TOX: variants seen among roughly 807,000 people sequenced by gnomAD.
TOX encodes the protein thymocyte selection associated high mobility group box.
In TOX, 11 loss-of-function variants were observed where a neutral mutation model predicts 53.7. That is an observed-to-expected ratio of 0.20 (90% CI 0.13 to 0.34). The LOEUF is 0.34. Ranked by LOEUF, TOX falls within the 10% of genes least tolerant of loss-of-function variation. The pLI is 1.00. For synonymous variants in TOX, 225 were observed against 245.3 expected, an observed-to-expected ratio of 0.92 and a Z score of 0.77; for missense variants, 570 against 664.6, an observed-to-expected ratio of 0.86 and a Z score of 1.56.
chr8:59,021,499 T>TATATATATATATATATATATATATACAC lies in TOX; in HGVS notation c.103-61492_103-61491insGTGTATATATATATATATATATATATAT, dbSNP rs1554539851. ...AAAAAAAAATATATATATATATATATGCACATATATACAATGTCAGATATA... is the reference window on the plus strand; with the variant it reads ...AAAAAAAAATATATATATATATATATATATATATATATATATATATATATACACGCACATATATACAATGTCAGATATA... On this transcript the variant is annotated intron_variant, in intron 1 of 8. Transcript: ENST00000361421. Among the ~76,000 whole-genome samples, 327 of 108,840 alleles carry TATATATATATATATATATATATATACAC rather than the reference T, an allele frequency of 3.0e-3. 5 individuals carry two copies. The highest frequency in any genetic ancestry group is 4.7e-3 in the Middle Eastern group (1 of 212). The allele number at this position is 108,840 out of a possible 152,430, so 71.4% of individuals were successfully genotyped here. A position where few individuals can be genotyped will look rare whatever the true frequency, so the allele number is the denominator to read the frequency against.
At chr8:59,042,515 T>C (rs920964479) in intron 1 of TOX, among the ~76,000 whole-genome samples, 2 of 152,356 alleles carry the variant, frequency 1.3e-5, no homozygotes, top group South Asian at 4.1e-4. Context: ...ATTTTTATTA[T>C]TATGCAAAAG....
intron 3 of TOX, among the ~76,000 whole-genome samples, chr8:58,912,267 T>C (rs998986705): frequency 2.0e-5 from 3 of 152,224 alleles, no homozygotes; most frequent in African/African-American, 7.2e-5. Flanking sequence ...AGATAGGATA[T>C]TTTGCCCTCT....
Position 58,851,949 on chromosome 8 carries a change from G to C in TOX, c.412-144C>G. The C allele has an allele frequency of 4.2e-6, 3 of 714,362 alleles. No homozygotes were observed. The highest frequency in any genetic ancestry group is 1.8e-5 in the African/African-American group (1 of 54,142). The allele number at this position is 714,362 out of a possible 1,614,324, so 44.3% of individuals were successfully genotyped here. A position where few individuals can be genotyped will look rare whatever the true frequency, so the allele number is the denominator to read the frequency against. The stretch of plus-strand genomic sequence containing the variant: ...AGTTACATACACATTTATTTTATCT[G>C]GGGTAAAATAATCCTAAAAGTATAT... On this transcript the variant is annotated intron_variant, in intron 3 of 8. Transcript: ENST00000361421. The surrounding 1 kb of genome is among the most constrained non-coding windows in gnomAD (Gnocchi z 4.4).
intron 6 of TOX, among the ~76,000 whole-genome samples, chr8:58,826,167 A>G (rs1810361575): frequency 6.6e-6 from 1 of 152,216 alleles, no homozygotes; most frequent in Non-Finnish European, 1.5e-5. Context: ...CCCAGACCAC[A>G]GTGAACGCAG....
intron 1 of TOX, among the ~76,000 whole-genome samples, chr8:59,072,769 T>G (rs1586002431): frequency 6.6e-6 from 1 of 152,186 alleles, no homozygotes; most frequent in African/African-American, 2.4e-5. Flanking sequence ...TCAACTATCA[T>G]AAGTTTAATA....
In TOX at chr8:58,822,427, T is replaced by C. The variant is rs1810297168; in HGVS notation, c.1005+4395A>G. On this transcript the variant is annotated intron_variant, in intron 6 of 8. Transcript: ENST00000361421. Reference sequence around the variant, plus strand: ...AGGTATTTTGGAGTCTGACCAGCACTGTGTTTGCAGCATCCTATGTCCTAT... The same window carrying C: ...AGGTATTTTGGAGTCTGACCAGCACCGTGTTTGCAGCATCCTATGTCCTAT... 2.0e-5 allele frequency among the ~76,000 whole-genome samples: 3 copies of C among 152,352 alleles called. No individual in the cohort carries two copies. The South Asian group carries it at 6.2e-4, about 32-fold the overall frequency.
At chr8:59,107,661 T>C (rs1185550373) in intron 1 of TOX, among the ~76,000 whole-genome samples, 1 of 152,140 alleles carries the variant, frequency 6.6e-6, no homozygotes, top group African/African-American at 2.4e-5. Context: ...CACTACCAGA[T>C]AGAGAGAGAG....
intron 1 of TOX, among the ~76,000 whole-genome samples, chr8:59,104,881 A>G (rs1449647467): frequency 6.6e-6 from 1 of 152,184 alleles, no homozygotes; most frequent in African/African-American, 2.4e-5. Context: ...CACTTTGACC[A>G]CAGACTTCAT....
At chr8:59,006,434 T>C (rs1010451125) in intron 1 of TOX, among the ~76,000 whole-genome samples, 1 of 152,146 alleles carries the variant, frequency 6.6e-6, no homozygotes, top group African/African-American at 2.4e-5. Context: ...ATGTTTGCAC[T>C]GGGGAAGGAA....
At chr8:58,815,245 C>T (rs1810153215) in intron 7 of TOX, 93 bp downstream of exon 7, 2 of 1,468,734 alleles carry the variant, frequency 1.4e-6, no homozygotes, top group South Asian at 1.4e-5. Context: ...ACACATATCC[C>T]CAATCCTGTC....
At chr8:58,842,113 G>C (rs757001293) in intron 4 of TOX, among the ~76,000 whole-genome samples, 8 of 152,238 alleles carry the variant, frequency 5.3e-5, no homozygotes, top group Non-Finnish European at 1.2e-4. Context: ...GTGTCAAGTT[G>C]ATTGGATTAA....
chr8:58,849,093 T>C (rs1170224245), intron 4 of TOX, among the ~76,000 whole-genome samples: 1 of 152,136 alleles, frequency 6.6e-6, no homozygotes, highest in African/African-American at 2.4e-5. Flanking sequence ...TGAAGAATGC[T>C]TTAACATTTT....
intron 1 of TOX, among the ~76,000 whole-genome samples, chr8:58,983,684 GC>G (rs1813269860): frequency 6.6e-6 from 1 of 152,146 alleles, no homozygotes; most frequent in African/African-American, 2.4e-5. Context: ...TTTTCTCAGT[GC>G]CCCTTTATTC....
At chr8:59,091,692 A>G (rs908414679) in intron 1 of TOX, among the ~76,000 whole-genome samples, 6 of 152,166 alleles carry the variant, frequency 3.9e-5, no homozygotes, top group Non-Finnish European at 7.3e-5. Context: ...GTATGGTGGT[A>G]TCAATAAGTA....
At chr8:59,003,037 G>A (rs1017676941) in intron 1 of TOX, among the ~76,000 whole-genome samples, 7 of 152,246 alleles carry the variant, frequency 4.6e-5, no homozygotes, top group African/African-American at 1.7e-4. Flanking sequence ...AGGCCTCTGA[G>A]CCAATTTCAT....
chr8:58,809,271 C>T (rs1007071034), intron 7 of TOX, among the ~76,000 whole-genome samples: 1 of 152,138 alleles, frequency 6.6e-6, no homozygotes, highest in African/African-American at 2.4e-5. Context: ...TCTCTATTTA[C>T]TTGGAGAAAG....
chr8:58,998,535 A>ATATAT (rs1563413560), intron 1 of TOX, among the ~76,000 whole-genome samples: 1 of 12,278 alleles, frequency 8.1e-5, no homozygotes, highest in African/African-American at 3.0e-4. Flanking sequence ...ATATATATAT[A>ATATAT]TATAAATTTA....
intron 1 of TOX, among the ~76,000 whole-genome samples, chr8:59,001,026 T>C (rs1345570184): frequency 1.3e-5 from 2 of 152,164 alleles, no homozygotes; most frequent in Non-Finnish European, 1.5e-5. Flanking sequence ...AAAAGAATTA[T>C]GATAGCAAGC....
intron 1 of TOX, among the ~76,000 whole-genome samples, chr8:59,103,337 T>A (rs1021817255): frequency 6.6e-6 from 1 of 152,210 alleles, no homozygotes; most frequent in Non-Finnish European, 1.5e-5. Context: ...TCAACTCTAT[T>A]TTTTAATAAT....
Sources: gnomAD v4.1 joint callset for allele counts (sites outside exome capture counted in the v4.1 genomes callset) on GRCh38, gnomAD v4.1.1 for gene constraint, Gnocchi (gnomAD v3.1) non-coding constraint, MANE v1.5 for transcripts, NCBI Gene and HGNC (gene_info 2026-07-23, HGNC 2026-07-21) for gene names.